Variants in SPIDR observed in about 807,000 individuals in gnomAD.
The protein encoded by SPIDR is DNA repair-scaffolding protein.
Under a neutral mutation model 104.6 loss-of-function variants are expected in SPIDR, and 93 were observed. That is an observed-to-expected ratio of 0.89 (90% CI 0.75 to 1.06). SPIDR has a LOEUF of 1.06. Among genes scored for constraint, SPIDR ranks in the 50% least tolerant of loss-of-function variants. The pLI is 0.00. For missense variants in SPIDR, 1,154 were observed against 1,111.2 expected (o/e 1.04, Z -0.55); for synonymous variants, 431 against 416.9 (o/e 1.03, Z -0.41).
chr8:47,389,407 C>T (rs192240963), intron 5 of SPIDR, among the ~76,000 whole-genome samples: 94 of 152,072 alleles, frequency 6.2e-4, no homozygotes, highest in African/African-American at 2.2e-3. Flanking sequence ...TAAAAGTTTC[C>T]GGCCGGGCAC....
chr8:47,436,624 G>A (rs1361661540), intron 7 of SPIDR, among the ~76,000 whole-genome samples: 1 of 152,182 alleles, frequency 6.6e-6, no homozygotes, highest in East Asian at 1.9e-4. Context: ...TACTTGAGAG[G>A]CTGAGGTGGG....
intron 7 of SPIDR, among the ~76,000 whole-genome samples, chr8:47,427,234 A>T (rs1424417436): frequency 2.7e-5 from 4 of 149,940 alleles, no homozygotes; most frequent in African/African-American, 9.7e-5. Context: ...ATACTTTATA[A>T]ATATTATAAA....
At chr8:47,477,803 T>C (rs1033064427) in intron 8 of SPIDR, among the ~76,000 whole-genome samples, 2 of 152,150 alleles carry the variant, frequency 1.3e-5, no homozygotes, top group Non-Finnish European at 2.9e-5. Flanking sequence ...TTGGTAGAAA[T>C]GACCATCCTG....
chr8:47,306,022 T>C (rs1173169501), intron 5 of SPIDR, among the ~76,000 whole-genome samples: 1 of 152,250 alleles, frequency 6.6e-6, no homozygotes, highest in African/African-American at 2.4e-5. Context: ...TTCTACTTTG[T>C]GTATGATTTT....
intron 5 of SPIDR, among the ~76,000 whole-genome samples, chr8:47,352,315 C>T (rs532786085): frequency 4.6e-5 from 7 of 151,788 alleles, no homozygotes; most frequent in Admixed American, 2.6e-4. Flanking sequence ...ATAATTTGAC[C>T]GTGTACTTCT....
chr8:47,310,029 T>C (rs879984482), intron 5 of SPIDR, among the ~76,000 whole-genome samples: 9 of 129,494 alleles, frequency 7.0e-5, no homozygotes, highest in African/African-American at 2.7e-4. Context: ...ACAGACTCTG[T>C]CTCAAAAAAC....
chr8:47,595,465 T>C (rs1216360006), intron 8 of SPIDR, among the ~76,000 whole-genome samples: 1 of 148,242 alleles, frequency 6.7e-6, no homozygotes, highest in Admixed American at 6.9e-5. Context: ...TTTGTACATT[T>C]TATTTCATTG....
At chr8:47,307,931 A>AT (rs1397272863) in intron 5 of SPIDR, among the ~76,000 whole-genome samples, 11 of 149,738 alleles carry the variant, frequency 7.3e-5, no homozygotes, top group African/African-American at 2.2e-4. Flanking sequence ...GTGTTGTTTT[A>AT]TTTTTTTTTC....
chr8:47,653,823 T>C (rs1055300687), intron 10 of SPIDR, among the ~76,000 whole-genome samples: 1 of 151,942 alleles, frequency 6.6e-6, no homozygotes, highest in African/African-American at 2.4e-5. Flanking sequence ...CCTCAAGTTA[T>C]TATAATACAT....
At chr8:47,530,203 C>T (rs1008461577) in intron 8 of SPIDR, among the ~76,000 whole-genome samples, 1 of 152,152 alleles carries the variant, frequency 6.6e-6, no homozygotes, top group Non-Finnish European at 1.5e-5. Flanking sequence ...TGCAGTGGCT[C>T]ATGTCTGTAA....
intron 8 of SPIDR, among the ~76,000 whole-genome samples, chr8:47,550,564 C>G (rs577803230): frequency 2.8e-4 from 42 of 152,030 alleles, no homozygotes; most frequent in African/African-American, 8.9e-4. Context: ...TTGGCTCTCC[C>G]TTTGTCTGTT....
chr8:47,281,332 A>G (rs1038623946), intron 2 of SPIDR, among the ~76,000 whole-genome samples: 1 of 152,166 alleles, frequency 6.6e-6, no homozygotes, highest in African/African-American at 2.4e-5. Context: ...GGCAAAAGTG[A>G]AGTTTACCAC....
chr8:47,376,210 G>A (rs2058647824), intron 5 of SPIDR, among the ~76,000 whole-genome samples: 1 of 152,168 alleles, frequency 6.6e-6, no homozygotes, highest in Admixed American at 6.5e-5. Context: ...TTTCTGGCTA[G>A]CTTTAAACAT....
intron 5 of SPIDR, among the ~76,000 whole-genome samples, chr8:47,314,905 T>A (rs2044993035): frequency 6.6e-6 from 1 of 152,158 alleles, no homozygotes; most frequent in Admixed American, 6.6e-5. Flanking sequence ...AGATGCATTT[T>A]AAAAATAATG....
intron 10 of SPIDR, among the ~76,000 whole-genome samples, chr8:47,643,806 A>G (rs551100149): frequency 2.6e-5 from 4 of 152,360 alleles, no homozygotes; most frequent in South Asian, 4.1e-4. Context: ...ATTATTCAAA[A>G]TGGAAAGACT....
At chr8:47,552,001 T>C (rs1383617531) in intron 8 of SPIDR, among the ~76,000 whole-genome samples, 1 of 152,236 alleles carries the variant, frequency 6.6e-6, no homozygotes, top group Non-Finnish European at 1.5e-5. Context: ...AGAGAACATC[T>C]TTATTTCTGC....
intron 16 of SPIDR, among the ~76,000 whole-genome samples, chr8:47,716,392 C>T (rs2154490364): frequency 6.6e-6 from 1 of 152,294 alleles, no homozygotes; most frequent in South Asian, 2.1e-4. Flanking sequence ...TCCATTGTTG[C>T]TTTCACATTC....
chr8:47,546,470 ATATTGGTAATTCACATGTTCT>A (rs2089406808), intron 8 of SPIDR, among the ~76,000 whole-genome samples: 1 of 152,012 alleles, frequency 6.6e-6, no homozygotes, highest in South Asian at 2.1e-4. Context: ...TTCACTCCAG[ATATTGGTAATTCACATGTTCT>A]CTGTTTCTTT....
chr8:47,716,888 CT>C (rs2082660157), intron 16 of SPIDR, among the ~76,000 whole-genome samples: 1 of 152,148 alleles, frequency 6.6e-6, no homozygotes, highest in Non-Finnish European at 1.5e-5. Context: ...GTGTATTGCT[CT>C]GCTTTCCCTG....
Sources: allele counts gnomAD v4.1 joint callset (sites outside exome capture counted in the v4.1 genomes callset), GRCh38; gene constraint gnomAD v4.1.1; transcripts MANE v1.5; gene names NCBI Gene and HGNC (gene_info 2026-07-23, HGNC 2026-07-21).